Variants in ST6GALNAC2 observed in about 807,000 individuals in gnomAD.
ST6GALNAC2 encodes alpha-N-acetylgalactosaminide alpha-2,6-sialyltransferase 2.
ST6GALNAC2 carries 42 observed loss-of-function variants against 38.7 expected under a neutral mutation model. That is an observed-to-expected ratio of 1.09 (90% CI 0.85 to 1.40). The LOEUF is 1.40. ST6GALNAC2 is among the 40% of genes most tolerant of loss of function. The pLI, the probability that ST6GALNAC2 is intolerant of heterozygous loss-of-function variation, is 0.00. For missense variants in ST6GALNAC2, 506 were observed against 481.7 expected (o/e 1.05, Z -0.47); for synonymous variants, 233 against 209.0 (o/e 1.11, Z -0.99).
chr17:76,573,159 T>TCCCAACCC lies in ST6GALNAC2; in HGVS notation c.530+35_530+36insGGGTTGGG. The TCCCAACCC allele has an allele frequency of 2.0e-6, 3 of 1,530,314 alleles. No individual in the cohort carries two copies. Among genetic ancestry groups the TCCCAACCC allele is most frequent in the South Asian group, 1.2e-5 (1 of 83,634 alleles). 94.8% of individuals were successfully genotyped at this position (1,530,314 alleles called of 1,614,324 possible). A position where few individuals can be genotyped will look rare whatever the true frequency, so the allele number is the denominator to read the frequency against. ...GACACCCCCACCCTCCAGGCAACTC[T>TCCCAACCC]CCCTCCCGCCCCTCCCCAGCTCCTA... On this transcript the variant is annotated intron_variant, in intron 4 of 8. Transcript: ENST00000225276. The surrounding 1 kb of genome is among the most constrained non-coding windows in gnomAD (Gnocchi z 5.1).
intron 6 of ST6GALNAC2, 177 bp downstream of exon 6, chr17:76,570,388 G>T: frequency 1.7e-6 from 1 of 587,334 alleles, no homozygotes; most frequent in Non-Finnish European, 3.1e-6. Context: ...ACAAAAAGTA[G>T]AATTTCCCAG....
chr17:76,566,760 A>T (rs183360057), intron 8 of ST6GALNAC2, among the ~76,000 whole-genome samples: 83 of 151,612 alleles, frequency 5.5e-4, no homozygotes, highest in Admixed American at 8.5e-4. Flanking sequence ...CTACCCAGCT[A>T]CTTGGGAAGC....
chr17:76,568,962 G>C, intron 6 of ST6GALNAC2, 166 bp from the exon 7 acceptor site: 1 of 625,632 alleles, frequency 1.6e-6, no homozygotes, highest in Non-Finnish European at 2.8e-6. Flanking sequence ...CAGGCAGTAC[G>C]TTGGGGACCA....
At position 76,585,719 on chromosome 17, in the gene ST6GALNAC2, C is replaced by A. The variant is rs574765523; in HGVS notation, c.90G>T (p.Ala30=). The change falls in exon 1 of 9, where the codon GCG becomes GCT. Residue 30 remains alanine (A), a synonymous_variant. Transcript: ENST00000225276. ...SGLLFALYFS[A]VQRYPGPAAG... ...CCGCTGGCCCCGGGTACCGCTGCACCGCCGAGAAGTACAGGGCAAAGAGGA... is the reference window on the plus strand; with the variant it reads ...CCGCTGGCCCCGGGTACCGCTGCACAGCCGAGAAGTACAGGGCAAAGAGGA... 6.5e-7 allele frequency: 1 copy of A among 1,536,508 alleles called. No homozygotes were observed. The highest frequency in any genetic ancestry group is 1.4e-5 in the African/African-American group (1 of 71,238).
Position 76,572,679 on chromosome 17 carries a change from G to A in ST6GALNAC2, c.627C>T (p.Val209=), listed in dbSNP as rs1374356730. The change falls in exon 5 of 9, where the codon GTC becomes GTT. Residue 209 remains valine (V), a synonymous_variant. Coordinates refer to ENST00000225276, the MANE Select transcript of ST6GALNAC2 (RefSeq NM_006456.3). ...AGGTGAAGCCCAGATTCCAGTAGGA[G>A]ACGAGGGAGTTCTTCATCGTGTTCA... ...FTVNTMKNSL[V]SYWNLGFTSV... 2.5e-6 allele frequency: 4 copies of A among 1,614,070 alleles called. No individual in the cohort carries two copies. The African/African-American group carries it at 5.3e-5, about 22-fold the overall frequency.
chr17:76,585,255 T>C (rs2075531717), intron 1 of ST6GALNAC2, among the ~76,000 whole-genome samples: 1 of 152,146 alleles, frequency 6.6e-6, no homozygotes, highest in Non-Finnish European at 1.5e-5. Flanking sequence ...CCCGCGAAGT[T>C]GGAAACCGGA....
chr17:76,567,018 G>C (rs1483783966), intron 8 of ST6GALNAC2, among the ~76,000 whole-genome samples: 1 of 152,206 alleles, frequency 6.6e-6, no homozygotes, highest in Non-Finnish European at 1.5e-5. Context: ...CAAAGTAGTT[G>C]CATGTGGGAG....
Position 76,585,397 on chromosome 17 carries a change from G to A in ST6GALNAC2, c.125+287C>T, listed in dbSNP as rs1390078924. Among the ~76,000 whole-genome samples the A allele has an allele frequency of 1.3e-5, 2 of 152,250 alleles. 1 individual carries two copies. The highest frequency in any genetic ancestry group is 2.9e-5 in the Non-Finnish European group (2 of 68,034). ...TAGAAAGTGTACTTATCAGGCCGGG[G>A]AGGACTTCACCAACAAGGGGCACCG... On this transcript the variant is annotated intron_variant, in intron 1 of 8. Coordinates refer to ENST00000225276, the MANE Select transcript of ST6GALNAC2 (RefSeq NM_006456.3).
chr17:76,579,515 C>G (rs1479179715), intron 1 of ST6GALNAC2, among the ~76,000 whole-genome samples: 1 of 152,224 alleles, frequency 6.6e-6, no homozygotes, highest in African/African-American at 2.4e-5. Context: ...GCCCACCACT[C>G]CTGAAGTACA....
intron 1 of ST6GALNAC2, among the ~76,000 whole-genome samples, chr17:76,580,274 C>A (rs2075460572): frequency 6.6e-6 from 1 of 151,308 alleles, no homozygotes; most frequent in Non-Finnish European, 1.5e-5. Flanking sequence ...CAAAAATTAG[C>A]TGGCATGTTG....
At chr17:76,575,907 T>C (rs1427791250) in intron 2 of ST6GALNAC2, among the ~76,000 whole-genome samples, 1 of 152,238 alleles carries the variant, frequency 6.6e-6, no homozygotes, top group Non-Finnish European at 1.5e-5. Context: ...ATGCAACTTA[T>C]GAGTGGCTAA....
chr17:76,568,585 C>G, intron 7 of ST6GALNAC2, 128 bp downstream of exon 7: 2 of 858,184 alleles, frequency 2.3e-6, no homozygotes, highest in Non-Finnish European at 3.9e-6. Context: ...GCACACAGCA[C>G]TCGGGACAGT....
Position 76,568,887 on chromosome 17 carries a change from G to A in ST6GALNAC2, c.774-91C>T, listed in dbSNP as rs374525558. The A allele has an allele frequency of 4.9e-4, 614 of 1,260,230 alleles. 13 individuals are homozygous for A. The South Asian group carries it at 6.4e-3, about 13-fold the overall frequency. 78.1% of individuals were successfully genotyped at this position (1,260,230 alleles called of 1,614,324 possible). On this transcript the variant is annotated intron_variant, in intron 6 of 8. Transcript: ENST00000225276. Reference sequence around the variant, plus strand: ...GGAGGGTCAGGGCGCCGGAGTAGCCGCGGTACCCTGAGCGGTAGGAGCGGG... The same window carrying A: ...GGAGGGTCAGGGCGCCGGAGTAGCCACGGTACCCTGAGCGGTAGGAGCGGG...
rs770761847 is a variant in ST6GALNAC2 at position 76,568,863 on chromosome 17, G to A, written c.774-67C>T. On this transcript the variant is annotated intron_variant, in intron 6 of 8. Transcript: ENST00000225276. Reference sequence around the variant, plus strand: ...CGTATTGCAAGGGGGAGATGGAGGGGAGGGTCAGGGCGCCGGAGTAGCCGC... The same window carrying A: ...CGTATTGCAAGGGGGAGATGGAGGGAAGGGTCAGGGCGCCGGAGTAGCCGC... The A allele has an allele frequency of 4.9e-5, 76 of 1,537,334 alleles. No homozygotes were observed. In the African/African-American group the frequency reaches 8.3e-4, roughly 17 times the overall value.
At position 76,570,559 on chromosome 17, in the gene ST6GALNAC2, G is replaced by A; in HGVS notation, c.773+6C>T. 1 of 1,601,838 alleles carries A rather than the reference G, an allele frequency of 6.2e-7. No individual in the cohort carries two copies. ...CGCCCCACACCACCACGGCCTGGCT[G>A]CTCACCTGTCCCCTTTATCTAGGCC... On this transcript the variant is annotated splice_donor_region_variant and intron_variant, in intron 6 of 8. Coordinates refer to ENST00000225276, the MANE Select transcript of ST6GALNAC2 (RefSeq NM_006456.3).
In ST6GALNAC2 at chr17:76,573,469, T is replaced by C; in HGVS notation, c.362-106A>G. The stretch of plus-strand genomic sequence containing the variant: ...CCCCATCTCCCCTGAGGCCTGACCC[T>C]AGCCCCTCCCAAGAAGCACAGAGGG... On this transcript the variant is annotated intron_variant, in intron 3 of 8. Transcript: ENST00000225276. The surrounding 1 kb of genome is among the most constrained non-coding windows in gnomAD (Gnocchi z 5.1). 8.9e-7 allele frequency: 1 copy of C among 1,123,104 alleles called. No individual in the cohort carries two copies. Among genetic ancestry groups the C allele is most frequent in the Non-Finnish European group, 1.2e-6 (1 of 833,450 alleles). The allele number at this position is 1,123,104 out of a possible 1,614,324, so 69.6% of individuals were successfully genotyped here.
In ST6GALNAC2 at chr17:76,568,793, C is replaced by A. The variant is rs373256793; in HGVS notation, c.777G>T (p.Pro259=). 1.9e-6 allele frequency: 3 copies of A among 1,612,868 alleles called. No homozygotes were observed. The highest frequency in any genetic ancestry group is 1.7e-6 in the Non-Finnish European group (2 of 1,179,822). The change falls in exon 7 of 9, where the codon CCG becomes CCT. Residue 259 remains proline (P), a synonymous_variant. Transcript: ENST00000225276. ...VPEGLDKGDR[P]HAYFGPEASA... is the part of the protein sequence containing the mutation. ...AGGCTTCTGGTCCAAAATAGGCGTGCGGCCTAGGACCCATGATAGAAGTGG... is the reference window on the plus strand; with the variant it reads ...AGGCTTCTGGTCCAAAATAGGCGTGAGGCCTAGGACCCATGATAGAAGTGG...
intron 2 of ST6GALNAC2, among the ~76,000 whole-genome samples, chr17:76,576,013 G>T (rs542492652): frequency 4.7e-4 from 71 of 152,338 alleles, no homozygotes; most frequent in South Asian, 4.1e-3. Flanking sequence ...GGAGGTCAAG[G>T]CGGGAGGATA....
chr17:76,583,598 AG>A (rs2075505615), intron 1 of ST6GALNAC2, among the ~76,000 whole-genome samples: 1 of 84,080 alleles, frequency 1.2e-5, no homozygotes, highest in Non-Finnish European at 2.5e-5. Flanking sequence ...CATTTGGTGA[AG>A]GCCTTTTTTT....
Sources: gnomAD v4.1 joint callset for allele counts (sites outside exome capture counted in the v4.1 genomes callset) on GRCh38, gnomAD v4.1.1 for gene constraint, Gnocchi (gnomAD v3.1) non-coding constraint, MANE v1.5 for transcripts, NCBI Gene and HGNC (gene_info 2026-07-23, HGNC 2026-07-21) for gene names.